Variants in ARL15 observed in about 807,000 individuals in gnomAD.
ARL15 encodes the protein ARF like GTPase 15.
In ARL15, 19 loss-of-function variants were observed where a neutral mutation model predicts 25.2. The ratio of observed to expected loss-of-function variants is 0.75; its 90% CI spans 0.53 to 1.10. ARL15 has a LOEUF of 1.10. ARL15 is among the 50% of genes least tolerant of loss of function. The pLI is 0.00. For synonymous variants in ARL15, 94 were observed against 86.8 expected, an observed-to-expected ratio of 1.08 and a Z score of -0.46; for missense variants, 220 against 246.0, an observed-to-expected ratio of 0.89 and a Z score of 0.71.
chr5:53,886,834 T>A, intron 4 of ARL15, 121 bp from the exon 5 acceptor site: 1 of 912,022 alleles, frequency 1.1e-6, no homozygotes, highest in Non-Finnish European at 1.6e-6. Context: ...CTGTGATGCC[T>A]ACAACTTTGC....
chr5:54,007,650 A>G (rs1413250244), intron 4 of ARL15, among the ~76,000 whole-genome samples: 1 of 152,150 alleles, frequency 6.6e-6, no homozygotes, highest in Non-Finnish European at 1.5e-5. Context: ...CTACTAAAAT[A>G]AAAAAACTTG....
At chr5:54,140,727 G>T (rs890482316) in intron 3 of ARL15, among the ~76,000 whole-genome samples, 1 of 152,116 alleles carries the variant, frequency 6.6e-6, no homozygotes, top group African/African-American at 2.4e-5. Context: ...GCCAAAATAA[G>T]GTCTGGATGG....
At chr5:54,224,312 G>A (rs1443191087) in intron 1 of ARL15, among the ~76,000 whole-genome samples, 1 of 152,158 alleles carries the variant, frequency 6.6e-6, no homozygotes, top group Non-Finnish European at 1.5e-5. Context: ...TGACAAGGCA[G>A]ATGGCATCAC....
intron 2 of ARL15, among the ~76,000 whole-genome samples, chr5:54,160,988 T>A (rs1754385429): frequency 6.6e-6 from 1 of 152,138 alleles, no homozygotes; most frequent in African/African-American, 2.4e-5. Flanking sequence ...TTCAATCACA[T>A]CAATAAAGTA....
At chr5:54,183,813 C>A (rs1235611785) in intron 1 of ARL15, among the ~76,000 whole-genome samples, 1 of 151,278 alleles carries the variant, frequency 6.6e-6, no homozygotes, top group Non-Finnish European at 1.5e-5. Flanking sequence ...ATGTTTATTG[C>A]GGCATTATTC....
chr5:54,057,488 A>G (rs1187651655), intron 4 of ARL15, among the ~76,000 whole-genome samples: 1 of 152,202 alleles, frequency 6.6e-6, no homozygotes, highest in African/African-American at 2.4e-5. Context: ...CATTCACTAA[A>G]CATTATAAAT....
intron 2 of ARL15, among the ~76,000 whole-genome samples, chr5:54,166,335 C>T (rs1375754897): frequency 2.6e-5 from 4 of 152,064 alleles, no homozygotes; most frequent in African/African-American, 9.7e-5. Context: ...GCTGGGACTA[C>T]AGGCAAGCAC....
At chr5:54,246,801 C>CATGCAT (rs1467441579) in intron 1 of ARL15, among the ~76,000 whole-genome samples, 8 of 10,400 alleles carry the variant, frequency 7.7e-4, no homozygotes, top group African/African-American at 1.7e-3. Context: ...CATGCATACA[C>CATGCAT]ACACACACAC....
intron 1 of ARL15, among the ~76,000 whole-genome samples, chr5:54,231,658 C>T (rs1202762473): frequency 2.0e-5 from 3 of 152,118 alleles, no homozygotes; most frequent in Non-Finnish European, 4.4e-5. Context: ...TTCTGCAGGT[C>T]GGAAAGTCCA....
At chr5:54,285,326 A>C (rs1758157019) in intron 1 of ARL15, 1 of 869,002 alleles carries the variant, frequency 1.2e-6, no homozygotes, top group African/African-American at 1.8e-5. Flanking sequence ...ATTTGAAATT[A>C]ATGTGATTAC....
intron 1 of ARL15, among the ~76,000 whole-genome samples, chr5:54,271,165 A>G (rs905734106): frequency 6.6e-6 from 1 of 152,128 alleles, no homozygotes; most frequent in Admixed American, 6.6e-5. Context: ...GAGCCACACT[A>G]CCAGCATCCC....
intron 4 of ARL15, among the ~76,000 whole-genome samples, chr5:54,018,389 A>T (rs377696424): frequency 2.0e-5 from 3 of 152,312 alleles, no homozygotes; most frequent in East Asian, 3.9e-4. Context: ...AAAATCTGTG[A>T]ACCATAAGTA....
chr5:54,025,599 G>A (rs745685354), intron 4 of ARL15, among the ~76,000 whole-genome samples: 2 of 152,144 alleles, frequency 1.3e-5, no homozygotes, highest in South Asian at 2.1e-4. Context: ...GATAATCACT[G>A]CTTTTCTTTC....
chr5:54,246,844 ACAG>A (rs1757102333), intron 1 of ARL15, among the ~76,000 whole-genome samples: 1 of 138,276 alleles, frequency 7.2e-6, no homozygotes, highest in Non-Finnish European at 1.6e-5. Flanking sequence ...ACACACACAC[ACAG>A]AGTACATAAA....
chr5:54,170,504 A>C (rs1754684398), intron 2 of ARL15, among the ~76,000 whole-genome samples: 1 of 152,180 alleles, frequency 6.6e-6, no homozygotes, highest in Non-Finnish European at 1.5e-5. Context: ...CACTGAATAC[A>C]ATTTGTCTCC....
intron 4 of ARL15, among the ~76,000 whole-genome samples, chr5:53,959,234 T>C (rs370680732): frequency 1.2e-4 from 18 of 152,320 alleles, no homozygotes; most frequent in African/African-American, 3.6e-4. Context: ...TTTTGTTTCA[T>C]TTTCAAATAA....
chr5:53,980,311 A>G (rs971797176), intron 4 of ARL15, among the ~76,000 whole-genome samples: 2 of 152,188 alleles, frequency 1.3e-5, no homozygotes, highest in African/African-American at 2.4e-5. Context: ...AATTTGCATT[A>G]CCTTTTTTGA....
At chr5:54,184,264 A>C (rs1375049237) in intron 1 of ARL15, among the ~76,000 whole-genome samples, 2 of 42,012 alleles carry the variant, frequency 4.8e-5, no homozygotes, top group African/African-American at 2.3e-4. Flanking sequence ...AAAAAATCAA[A>C]AAAAAAAAAA....
intron 1 of ARL15, among the ~76,000 whole-genome samples, chr5:54,184,946 C>T (rs918528806): frequency 1.2e-4 from 18 of 152,154 alleles, no homozygotes; most frequent in African/African-American, 3.4e-4. Flanking sequence ...ATGTTTTTCC[C>T]GTGATTTAAA....
Sources: allele counts gnomAD v4.1 joint callset (sites outside exome capture counted in the v4.1 genomes callset), GRCh38; gene constraint gnomAD v4.1.1; transcripts MANE v1.5; gene names NCBI Gene and HGNC (gene_info 2026-07-23, HGNC 2026-07-21).